DYM: variants seen among roughly 807,000 people sequenced by gnomAD.
The protein encoded by DYM is dymeclin.
A neutral mutation model predicts 93.1 loss-of-function variants in DYM; 78 were observed. The observed-to-expected ratio is 0.84, with a 90% confidence interval of 0.70 to 1.01. The LOEUF (loss-of-function observed/expected upper bound fraction) is 1.01. Ranked by LOEUF, DYM falls within the 50% of genes least tolerant of loss-of-function variation. The pLI, the probability that DYM is intolerant of heterozygous loss-of-function variation, is 0.00. For missense variants in DYM, 789 were observed against 845.0 expected, an observed-to-expected ratio of 0.93 and a Z score of 0.82; for synonymous variants, 321 against 319.7, an observed-to-expected ratio of 1.00 and a Z score of -0.04.
chr18:49,145,081 AG>A (rs1188854744), intron 15 of DYM, among the ~76,000 whole-genome samples: 1 of 140,992 alleles, frequency 7.1e-6, no homozygotes, highest in African/African-American at 2.6e-5. Context: ...CCTGGGCAAC[AG>A]TGCAAGATCC....
intron 15 of DYM, among the ~76,000 whole-genome samples, chr18:49,155,128 C>T (rs1223106574): frequency 6.6e-6 from 1 of 152,184 alleles, no homozygotes; most frequent in Non-Finnish European, 1.5e-5. Flanking sequence ...TGTTCTTAAA[C>T]AAGGTTGAAG....
intron 10 of DYM, among the ~76,000 whole-genome samples, chr18:49,281,096 A>G (rs547664888): frequency 1.3e-5 from 2 of 152,388 alleles, no homozygotes; most frequent in South Asian, 2.1e-4. Context: ...GAACTCCAAC[A>G]AAGTTACAAG....
At chr18:49,308,917 A>T (rs1472277852) in intron 8 of DYM, among the ~76,000 whole-genome samples, 1 of 152,196 alleles carries the variant, frequency 6.6e-6, no homozygotes, top group Admixed American at 6.5e-5. Flanking sequence ...AAAATGACCA[A>T]CCATAGGCTG....
intron 13 of DYM, among the ~76,000 whole-genome samples, chr18:49,214,265 A>G (rs180983977): frequency 1.3e-5 from 2 of 152,210 alleles, no homozygotes; most frequent in East Asian, 1.9e-4. Flanking sequence ...CACTGCTTGC[A>G]TTACCACCTG....
intron 2 of DYM, among the ~76,000 whole-genome samples, chr18:49,419,087 G>A (rs1017599394): frequency 6.6e-5 from 10 of 152,150 alleles, no homozygotes; most frequent in African/African-American, 2.2e-4. Flanking sequence ...TGGTGGCCAG[G>A]CGCAGTGGCT....
intron 6 of DYM, among the ~76,000 whole-genome samples, chr18:49,337,927 A>C (rs2063792891): frequency 6.6e-6 from 1 of 152,206 alleles, no homozygotes; most frequent in Admixed American, 6.5e-5. Flanking sequence ...TTTGAAGGAA[A>C]ATAAGAAATT....
At chr18:49,349,563 G>A (rs72912525) in intron 6 of DYM, among the ~76,000 whole-genome samples, 5,437 of 152,160 alleles carry the variant, frequency 0.036, 131 homozygotes, top group Middle Eastern at 0.11. Flanking sequence ...AGAACTCTCC[G>A]GAACTAAAAA....
intron 3 of DYM, among the ~76,000 whole-genome samples, chr18:49,387,327 A>C (rs1010009628): frequency 7.2e-5 from 11 of 152,022 alleles, no homozygotes; most frequent in African/African-American, 2.7e-4. Flanking sequence ...CCCAGGCTGG[A>C]GTGCAAAGTT....
rs1226573835 is a variant in DYM at position 49,043,518 on chromosome 18, G to A, written c.*537C>T. ...GTGTTTATGAAATTGTGTGCCCTCT[G>A]ACAGGCAACCAAACACACACGACTT... On this transcript the variant is annotated 3_prime_UTR_variant, in exon 18 of 18. Transcript: ENST00000675505. 1 of 154,438 alleles carries A rather than the reference G, an allele frequency of 6.5e-6. No individual in the cohort carries two copies. The highest frequency in any genetic ancestry group is 1.4e-5 in the Non-Finnish European group (1 of 69,530). The allele number at this position is 154,438 out of a possible 1,614,324, so 9.6% of individuals were successfully genotyped here.
chr18:49,048,893 C>G (rs2072004713), intron 17 of DYM, among the ~76,000 whole-genome samples: 1 of 152,230 alleles, frequency 6.6e-6, no homozygotes, highest in African/African-American at 2.4e-5. Flanking sequence ...ATCTCACCCT[C>G]CACAAAGGCA....
At chr18:49,184,726 T>C (rs2090275210) in intron 14 of DYM, among the ~76,000 whole-genome samples, 2 of 152,206 alleles carry the variant, frequency 1.3e-5, no homozygotes, top group Admixed American at 1.3e-4. Flanking sequence ...TTAATTACAC[T>C]ATGCAGCACA....
intron 15 of DYM, among the ~76,000 whole-genome samples, chr18:49,148,182 G>A (rs539637124): frequency 7.2e-5 from 11 of 152,162 alleles, no homozygotes; most frequent in African/African-American, 1.9e-4. Flanking sequence ...ATCACACACC[G>A]GGGCCTGTTG....
In DYM at chr18:49,424,929, G is replaced by A. The variant is rs1219028425; in HGVS notation, c.140+5326C>T. 3.9e-5 allele frequency among the ~76,000 whole-genome samples: 6 copies of A among 152,224 alleles called. No individual in the cohort carries two copies. The South Asian group carries it at 1.2e-3, about 32-fold the overall frequency. The stretch of plus-strand genomic sequence containing the variant: ...AAATGGAAGAACATTCCATGCTCAT[G>A]GATAGGAAGAATCAATATCGTGAAA... On this transcript the variant is annotated intron_variant, in intron 2 of 17. Coordinates refer to ENST00000675505, the MANE Select transcript of DYM (RefSeq NM_001353214.3).
intron 13 of DYM, among the ~76,000 whole-genome samples, chr18:49,213,082 G>C (rs1468722016): frequency 6.6e-6 from 1 of 152,140 alleles, no homozygotes; most frequent in African/African-American, 2.4e-5. Flanking sequence ...GCAATGTATA[G>C]TTCTGAAATG....
At chr18:49,296,705 T>C (rs1315429215) in intron 8 of DYM, among the ~76,000 whole-genome samples, 2 of 152,234 alleles carry the variant, frequency 1.3e-5, no homozygotes, top group African/African-American at 2.4e-5. Flanking sequence ...TTCTATTTCC[T>C]ACCTTTTTAA....
In DYM at chr18:49,286,078, A is replaced by C. The variant is rs371658094; in HGVS notation, c.946+356T>G. The stretch of plus-strand genomic sequence containing the variant: ...TTTTTGTTTTTGAGACCTAATTTTT[A>C]GTTCTATAAAACTCTAGAACACAGA... On this transcript the variant is annotated intron_variant, in intron 9 of 17. Coordinates refer to ENST00000675505, the MANE Select transcript of DYM (RefSeq NM_001353214.3). 1.3e-4 allele frequency among the ~76,000 whole-genome samples: 20 copies of C among 151,252 alleles called. No individual in the cohort carries two copies. The South Asian group carries it at 4.2e-3, about 32-fold the overall frequency.
chr18:49,252,719 A>G (rs2145014909), intron 13 of DYM, among the ~76,000 whole-genome samples: 1 of 152,340 alleles, frequency 6.6e-6, no homozygotes, highest in East Asian at 1.9e-4. Flanking sequence ...CCTGTTAATC[A>G]AAGGGTGAAG....
At chr18:49,424,989 A>G (rs901920958) in intron 2 of DYM, among the ~76,000 whole-genome samples, 5 of 152,172 alleles carry the variant, frequency 3.3e-5, no homozygotes, top group Admixed American at 6.5e-5. Flanking sequence ...TGTAGATTCA[A>G]TGCCATCCCC....
rs180951762 is a variant in DYM, at chr18:49,054,817, C to T, written c.2026-10613G>A. Among the ~76,000 whole-genome samples, 141 of 152,250 alleles carry T rather than the reference C, an allele frequency of 9.3e-4. 1 individual carries two copies. The highest frequency in any genetic ancestry group is 3.2e-3 in the African/African-American group (134 of 41,546). ...TGGTTTCACCACTGTGGAGTGTCCA[C>T]AAGTGACACTAACAGTTTTTGTAAG... On this transcript the variant is annotated intron_variant, in intron 17 of 17. Transcript: ENST00000675505.
Sources: allele counts gnomAD v4.1 joint callset (sites outside exome capture counted in the v4.1 genomes callset), GRCh38; gene constraint gnomAD v4.1.1; transcripts MANE v1.5; gene names NCBI Gene and HGNC (gene_info 2026-07-23, HGNC 2026-07-21).